The following GRK4 variants were observed in gnomAD, a reference collection of about 807,000 sequenced individuals.
GRK4 encodes the protein G protein-coupled receptor kinase 2-like.
A neutral mutation model predicts 77.9 loss-of-function variants in GRK4; 73 were observed. The observed-to-expected ratio is 0.94, with a 90% CI of 0.78 to 1.14. GRK4 has a LOEUF of 1.14. GRK4 is among the 50% of genes most tolerant of loss of function. The pLI, the probability that GRK4 is intolerant of heterozygous loss-of-function variation, is 0.00. For missense variants in GRK4, 729 were observed against 700.2 expected (o/e 1.04, Z -0.46); for synonymous variants, 257 against 254.4 (o/e 1.01, Z -0.10).
intron 4 of GRK4, among the ~76,000 whole-genome samples, chr4:3,003,385 T>C (rs1730404777): frequency 6.6e-6 from 1 of 152,060 alleles, no homozygotes; most frequent in Admixed American, 6.6e-5. Context: ...AAGACAGGGT[T>C]TCACCATGTT....
At chr4:2,993,842 G>T (rs2109701588) in intron 4 of GRK4, among the ~76,000 whole-genome samples, 1 of 152,328 alleles carries the variant, frequency 6.6e-6, no homozygotes, top group East Asian at 1.9e-4. Flanking sequence ...CACCTAGTAA[G>T]TGTCAGAACC....
intron 4 of GRK4, among the ~76,000 whole-genome samples, chr4:3,000,762 G>T (rs1015850577): frequency 4.6e-5 from 7 of 151,792 alleles, no homozygotes; most frequent in Non-Finnish European, 7.4e-5. Flanking sequence ...TAGAGATGGG[G>T]TTTCACCATG....
chr4:3,012,732 A>G (rs1010723106), intron 7 of GRK4, among the ~76,000 whole-genome samples: 5 of 152,238 alleles, frequency 3.3e-5, no homozygotes, highest in Admixed American at 1.3e-4. Flanking sequence ...TCATGACATA[A>G]AGTTAAAATA....
chr4:2,984,593 C>CCTAA lies in GRK4; in HGVS notation c.133_134insCTAA (p.Leu45ProfsTer3). On this transcript the variant is annotated frameshift_variant, in exon 2 of 16. Coordinates refer to ENST00000398052, the MANE Select transcript of GRK4 (RefSeq NM_182982.3). LOFTEE classifies it high-confidence loss of function. ...GCCTCCTGTCAGCCAGTGCAGTGAG[C>CCTAA]TTAGACATTCCATTGGTGAGTAAAT... The CCTAA allele has an allele frequency of 6.2e-7, 1 of 1,605,580 alleles. No individual in the cohort carries two copies. Among genetic ancestry groups the CCTAA allele is most frequent in the Non-Finnish European group, 8.5e-7 (1 of 1,173,858 alleles).
At chr4:3,005,020 G>A (rs570947208) in intron 5 of GRK4, among the ~76,000 whole-genome samples, 1 of 151,982 alleles carries the variant, frequency 6.6e-6, no homozygotes, top group East Asian at 1.9e-4. Context: ...GTGACTCCAG[G>A]CCCTCTCTGC....
At chr4:3,013,863 T>C (rs1362011823) in intron 8 of GRK4, 35 bp downstream of exon 8, 16 of 1,567,496 alleles carry the variant, frequency 1.0e-5, no homozygotes, top group African/African-American at 1.4e-5. Context: ...CTGTGCATTG[T>C]TTGATTCATA....
At chr4:3,016,864 C>G (rs142529272) in intron 8 of GRK4, among the ~76,000 whole-genome samples, 22 of 152,294 alleles carry the variant, frequency 1.4e-4, no homozygotes, top group Middle Eastern at 6.8e-3. Context: ...TATCGTTGGC[C>G]TCTCCCAAGG....
chr4:3,030,262 G>A (rs1039543951), intron 12 of GRK4, among the ~76,000 whole-genome samples: 16 of 152,228 alleles, frequency 1.1e-4, no homozygotes, highest in African/African-American at 2.4e-5. Flanking sequence ...AGCCCCAAGC[G>A]GTGGAGACCT....
chr4:3,006,118 G>A (rs1354020372), intron 5 of GRK4, among the ~76,000 whole-genome samples: 2 of 152,094 alleles, frequency 1.3e-5, no homozygotes, highest in African/African-American at 4.8e-5. Context: ...GGTGGCTCAC[G>A]CCTGTAATCC....
chr4:2,995,266 A>G (rs183957453), intron 4 of GRK4, among the ~76,000 whole-genome samples: 6 of 152,246 alleles, frequency 3.9e-5, no homozygotes, highest in African/African-American at 1.4e-4. Flanking sequence ...AGACTGGGTA[A>G]TTTATAATAA....
intron 6 of GRK4, among the ~76,000 whole-genome samples, chr4:3,008,889 T>C (rs1166288317): frequency 6.6e-6 from 1 of 152,188 alleles, no homozygotes; most frequent in East Asian, 1.9e-4. Flanking sequence ...TTCTTGCTTA[T>C]ACATGCTGTT....
chr4:3,010,367 C>T (rs138315570), intron 7 of GRK4, among the ~76,000 whole-genome samples: 161 of 152,322 alleles, frequency 1.1e-3, no homozygotes, highest in Middle Eastern at 0.01. Context: ...GCTGGTATTA[C>T]AGGCATGCGC....
At chr4:2,982,345 C>G (rs534434032) in intron 1 of GRK4, among the ~76,000 whole-genome samples, 2 of 152,380 alleles carry the variant, frequency 1.3e-5, no homozygotes, top group South Asian at 4.1e-4. Flanking sequence ...CAGGCAGTGT[C>G]AGGCTTAGGA....
intron 5 of GRK4, among the ~76,000 whole-genome samples, chr4:3,005,178 T>G (rs1478666604): frequency 3.3e-5 from 5 of 151,960 alleles, no homozygotes; most frequent in Non-Finnish European, 7.4e-5. Flanking sequence ...AAAGAACAGT[T>G]TCTGAGGTGA....
intron 13 of GRK4, 150 bp from the exon 14 acceptor site, chr4:3,037,224 C>A: frequency 1.3e-6 from 1 of 763,182 alleles, no homozygotes. Context: ...TTAGAAAATG[C>A]CTCAAGTGAG....
intron 4 of GRK4, among the ~76,000 whole-genome samples, chr4:2,995,011 C>G (rs527870321): frequency 6.6e-6 from 1 of 152,270 alleles, no homozygotes; most frequent in African/African-American, 2.4e-5. Flanking sequence ...TTAGCTCCCA[C>G]TCTTAAGTAA....
chr4:3,024,875 A>G (rs1737016893), intron 10 of GRK4, among the ~76,000 whole-genome samples: 1 of 151,902 alleles, frequency 6.6e-6, no homozygotes, highest in Non-Finnish European at 1.5e-5. Context: ...AAACAAACAA[A>G]CAACAACAAC....
intron 1 of GRK4, among the ~76,000 whole-genome samples, chr4:2,971,794 C>T (rs1719625499): frequency 6.6e-6 from 1 of 152,224 alleles, no homozygotes; most frequent in Non-Finnish European, 1.5e-5. Context: ...TGCTGGCTCG[C>T]TGGCAGTCTC....
At chr4:3,024,998 C>T (rs1237860304) in intron 10 of GRK4, among the ~76,000 whole-genome samples, 2 of 151,966 alleles carry the variant, frequency 1.3e-5, no homozygotes, top group Non-Finnish European at 2.9e-5. Context: ...AGGCCGGGCA[C>T]AGTGGCTCTT....
Sources: gnomAD v4.1 joint callset for allele counts (sites outside exome capture counted in the v4.1 genomes callset) on GRCh38, gnomAD v4.1.1 for gene constraint, MANE v1.5 for transcripts, NCBI Gene and HGNC (gene_info 2026-07-23, HGNC 2026-07-21) for gene names.